Variants in DCLK2 observed in about 807,000 individuals in gnomAD.
DCLK2 encodes the protein serine/threonine-protein kinase DCLK2.
Under a neutral mutation model 78.4 loss-of-function variants are expected in DCLK2, and 31 were observed. The observed-to-expected ratio is 0.40, with a 90% confidence interval of 0.30 to 0.53. The LOEUF (loss-of-function observed/expected upper bound fraction) is 0.53. Ranked by LOEUF, DCLK2 falls within the 20% of genes least tolerant of loss-of-function variation. DCLK2 has a pLI of 0.61. For synonymous variants in DCLK2, 407 were observed against 374.9 expected (o/e 1.09, Z -0.99); for missense variants, 872 against 973.7 (o/e 0.90, Z 1.39).
rs533800036 is a variant in DCLK2 at position 150,173,908 on chromosome 4, G to A, written c.757-19230G>A. Among the ~76,000 whole-genome samples, 24 of 152,246 alleles carry A rather than the reference G, an allele frequency of 1.6e-4. No individual in the cohort carries two copies. In the South Asian group the frequency reaches 5.0e-3, roughly 32 times the overall value. ...ATATTCAAATTATTTATTTGACAAC[G>A]ATTTTGATGATTTAAGAGGGAAGGA... On this transcript the variant is annotated intron_variant, in intron 2 of 15. Coordinates refer to ENST00000296550, the MANE Select transcript of DCLK2 (RefSeq NM_001040260.4).
chr4:150,176,760 ATGACATGAGTTTC>A (rs981003330), intron 2 of DCLK2, among the ~76,000 whole-genome samples: 24 of 152,320 alleles, frequency 1.6e-4, no homozygotes, highest in African/African-American at 5.0e-4. Context: ...ATCTAATCTT[ATGACATGAGTTTC>A]TGACATGAGT....
At chr4:150,124,404 T>C (rs1040701420) in intron 2 of DCLK2, among the ~76,000 whole-genome samples, 1 of 152,172 alleles carries the variant, frequency 6.6e-6, no homozygotes, top group Admixed American at 6.6e-5. Context: ...TTTGATTATA[T>C]TTGAAAATAT....
In DCLK2 at chr4:150,187,829, C is replaced by T. The variant is rs1321787854; in HGVS notation, c.757-5309C>T. On this transcript the variant is annotated intron_variant, in intron 2 of 15. Transcript: ENST00000296550. ...TTTTTTTTTTTTTTTGTGACAGAGT[C>T]TTGCTCTGTCGCTAGGCTGGAGTGC... 3.6e-5 allele frequency among the ~76,000 whole-genome samples: 5 copies of T among 137,232 alleles called. No homozygotes were observed. The East Asian group carries it at 1.1e-3, about 29-fold the overall frequency. The allele number at this position is 137,232 out of a possible 152,430, so 90.0% of individuals were successfully genotyped here. A position where few individuals can be genotyped will look rare whatever the true frequency, so the allele number is the denominator to read the frequency against.
chr4:150,246,918 C>T (rs913148677), intron 12 of DCLK2, among the ~76,000 whole-genome samples: 1 of 152,062 alleles, frequency 6.6e-6, no homozygotes, highest in Admixed American at 6.6e-5. Flanking sequence ...CTTGGGTTGG[C>T]CCTTCCTCTC....
chr4:150,231,619 C>A (rs1322823842), intron 8 of DCLK2, among the ~76,000 whole-genome samples: 3 of 152,136 alleles, frequency 2.0e-5, no homozygotes, highest in Admixed American at 2.0e-4. Flanking sequence ...TGTAAGTAAA[C>A]ATTTTGCTAC....
chr4:150,173,351 C>T (rs1352807117), intron 2 of DCLK2, among the ~76,000 whole-genome samples: 1 of 152,104 alleles, frequency 6.6e-6, no homozygotes, highest in African/African-American at 2.4e-5. Flanking sequence ...GATGCCTTGT[C>T]TTCACTTTCC....
chr4:150,217,994 C>G (rs73860553), intron 5 of DCLK2, among the ~76,000 whole-genome samples: 5 of 152,288 alleles, frequency 3.3e-5, no homozygotes, highest in African/African-American at 1.2e-4. Flanking sequence ...TTGTTAGGTA[C>G]ACTTGAAAGT....
chr4:150,181,339 G>A (rs59211006), intron 2 of DCLK2, among the ~76,000 whole-genome samples: 3,163 of 152,054 alleles, frequency 0.021, 98 homozygotes, highest in African/African-American at 0.073. Context: ...TTTTCCTGTG[G>A]GAATTAAGAC....
intron 2 of DCLK2, among the ~76,000 whole-genome samples, chr4:150,107,221 G>A (rs1304312025): frequency 1.3e-5 from 2 of 152,132 alleles, no homozygotes; most frequent in Non-Finnish European, 2.9e-5. Context: ...AGTGCTGCTT[G>A]TTTGAATAAA....
At chr4:150,197,686 C>T (rs2004467) in intron 3 of DCLK2, among the ~76,000 whole-genome samples, 16,783 of 151,562 alleles carry the variant, frequency 0.11, 1,422 homozygotes, top group South Asian at 0.42. Flanking sequence ...ACCCAGGAGG[C>T]GGAGGTTGCA....
intron 7 of DCLK2, among the ~76,000 whole-genome samples, chr4:150,224,286 G>A (rs1228927553): frequency 6.6e-6 from 1 of 151,864 alleles, no homozygotes; most frequent in African/African-American, 2.4e-5. Context: ...AACAGGAATG[G>A]GCCAGGTGTG....
chr4:150,175,096 A>ATATATATTTATATATTTGTATATATTTG (rs1736923484), intron 2 of DCLK2, among the ~76,000 whole-genome samples: 1 of 51,016 alleles, frequency 2.0e-5, no homozygotes, highest in South Asian at 4.9e-4. Context: ...ATATATATTT[A>ATATATATTTATATATTTGTATATATTTG]TATATATTTA....
At chr4:150,181,163 T>G (rs1252039732) in intron 2 of DCLK2, among the ~76,000 whole-genome samples, 2 of 152,222 alleles carry the variant, frequency 1.3e-5, no homozygotes, top group Non-Finnish European at 2.9e-5. Context: ...GTAAAAAAAT[T>G]TTTAAAAATT....
intron 1 of DCLK2, among the ~76,000 whole-genome samples, chr4:150,102,033 G>T (rs1275807696): frequency 6.6e-6 from 1 of 152,128 alleles, no homozygotes; most frequent in Non-Finnish European, 1.5e-5. Context: ...ATAATTGGAA[G>T]AAATATATTT....
At chr4:150,224,261 T>G (rs1229571968) in intron 7 of DCLK2, among the ~76,000 whole-genome samples, 2 of 152,072 alleles carry the variant, frequency 1.3e-5, no homozygotes, top group African/African-American at 4.8e-5. Context: ...TTCCTGGGTC[T>G]GTGCTGTAGA....
intron 2 of DCLK2, among the ~76,000 whole-genome samples, chr4:150,104,728 C>T (rs2150157036): frequency 6.6e-6 from 1 of 151,764 alleles, no homozygotes; most frequent in East Asian, 1.9e-4. Context: ...ACTCTATATT[C>T]AGTTAAATAT....
intron 2 of DCLK2, among the ~76,000 whole-genome samples, chr4:150,160,518 A>C (rs1735631181): frequency 6.6e-6 from 1 of 152,212 alleles, no homozygotes; most frequent in Admixed American, 6.5e-5. Context: ...AAAAACCCAA[A>C]ACTCAAGGAA....
chr4:150,215,841 G>A (rs1418243002), intron 5 of DCLK2, among the ~76,000 whole-genome samples: 1 of 152,198 alleles, frequency 6.6e-6, no homozygotes, highest in Admixed American at 6.5e-5. Flanking sequence ...GACCTCCTCT[G>A]GAATGACAGT....
In DCLK2 at chr4:150,175,190, T is replaced by TATATATATA. The variant is rs1736967088; in HGVS notation, c.757-17948_757-17947insATATATATA. On this transcript the variant is annotated intron_variant, in intron 2 of 15. Coordinates refer to ENST00000296550, the MANE Select transcript of DCLK2 (RefSeq NM_001040260.4). ...TATATATATTTATATATATTTATAA[T>TATATATATA]TTATCTATATATATTTATATATATT... Among the ~76,000 whole-genome samples the TATATATATA allele has an allele frequency of 2.0e-5, 2 of 98,402 alleles. 1 individual carries two copies. Among genetic ancestry groups the TATATATATA allele is most frequent in the Non-Finnish European group, 3.9e-5 (2 of 51,234 alleles). 64.6% of individuals were successfully genotyped at this position (98,402 alleles called of 152,430 possible). A position where few individuals can be genotyped will look rare whatever the true frequency, so the allele number is the denominator to read the frequency against.
Sources: gnomAD v4.1 joint callset for allele counts (sites outside exome capture counted in the v4.1 genomes callset) on GRCh38, gnomAD v4.1.1 for gene constraint, MANE v1.5 for transcripts, NCBI Gene and HGNC (gene_info 2026-07-23, HGNC 2026-07-21) for gene names.